The following GSAP variants were observed in gnomAD, a reference collection of about 807,000 sequenced individuals.
GSAP encodes the protein gamma-secretase activating protein.
A neutral mutation model predicts 131.7 loss-of-function variants in GSAP; 118 were observed. The ratio of observed to expected loss-of-function variants is 0.90; its 90% CI spans 0.77 to 1.04. The LOEUF (loss-of-function observed/expected upper bound fraction) is 1.04. Among genes scored for constraint, GSAP ranks in the 50% least tolerant of loss-of-function variants. GSAP has a pLI of 0.00. For missense variants in GSAP, 1,019 were observed against 1,013.2 expected (o/e 1.01, Z -0.08); for synonymous variants, 381 against 363.4 (o/e 1.05, Z -0.55).
chr7:77,311,973 T>C, intron 29 of GSAP, 33 bp from the exon 30 acceptor site: 3 of 1,295,800 alleles, frequency 2.3e-6, no homozygotes, highest in Non-Finnish European at 2.2e-6. Context: ...TGTAAGCTGA[T>C]TCTCCACAAT....
At chr7:77,344,109 C>T (rs1334772443) in intron 19 of GSAP, among the ~76,000 whole-genome samples, 3 of 152,218 alleles carry the variant, frequency 2.0e-5, no homozygotes, top group Admixed American at 1.3e-4. Context: ...ACAGGGTCTG[C>T]GAAGGCCACC....
intron 1 of GSAP, among the ~76,000 whole-genome samples, chr7:77,412,074 G>A (rs1053869517): frequency 6.6e-6 from 1 of 152,226 alleles, no homozygotes; most frequent in Non-Finnish European, 1.5e-5. Flanking sequence ...AGCTACTTGG[G>A]AGGCTGAGGC....
intron 1 of GSAP, among the ~76,000 whole-genome samples, chr7:77,408,421 C>T (rs915246993): frequency 1.3e-5 from 2 of 151,994 alleles, no homozygotes; most frequent in African/African-American, 2.4e-5. Context: ...AAATTATGGC[C>T]GGCACAGTGG....
chr7:77,314,281 T>C (rs1470806556), intron 27 of GSAP, 89 bp downstream of exon 27: 10 of 1,384,454 alleles, frequency 7.2e-6, no homozygotes, highest in Non-Finnish European at 1.0e-5. Flanking sequence ...GCCAGGCTCT[T>C]GGTGACTGCA....
intron 12 of GSAP, among the ~76,000 whole-genome samples, chr7:77,367,631 C>T (rs1795513753): frequency 6.6e-6 from 1 of 152,102 alleles, no homozygotes; most frequent in Non-Finnish European, 1.5e-5. Flanking sequence ...TTTGCATCAG[C>T]GTTCATCAAG....
At chr7:77,336,546 C>T (rs1178891499) in intron 19 of GSAP, among the ~76,000 whole-genome samples, 1 of 152,058 alleles carries the variant, frequency 6.6e-6, no homozygotes, top group East Asian at 1.9e-4. Context: ...AGTGCAATGG[C>T]GCAATCTTGG....
At chr7:77,375,937 C>CT (rs983403817) in intron 10 of GSAP, among the ~76,000 whole-genome samples, 1 of 150,750 alleles carries the variant, frequency 6.6e-6, no homozygotes, top group African/African-American at 2.4e-5. Context: ...TTTTTTTAAT[C>CT]TTTTTTTAAA....
At chr7:77,345,356 A>G (rs1791636809) in intron 19 of GSAP, among the ~76,000 whole-genome samples, 1 of 152,102 alleles carries the variant, frequency 6.6e-6, no homozygotes, top group African/African-American at 2.4e-5. Flanking sequence ...AACATTGCCC[A>G]TTATTGCTCC....
At position 77,377,329 on chromosome 7, in the gene GSAP, T is replaced by G. The variant is rs760721497; in HGVS notation, c.638A>C (p.Gln213Pro). Residue 213 changes from glutamine to proline, a missense_variant, in exon 9 of 31, where the codon CAG becomes CCG. By Grantham distance (76) the Gln-to-Pro change is moderately conservative. Coordinates refer to ENST00000257626, the MANE Select transcript of GSAP (RefSeq NM_017439.4). ...DRIAEDFVWA[Q>P]WDMSEQRLYY... is the part of the protein sequence containing the mutation. ...TAATCTCTGTTCTGACATATCCCACTGAGCCCAAACGAAATCCTCAGCTAT... is the reference window on the plus strand; with the variant it reads ...TAATCTCTGTTCTGACATATCCCACGGAGCCCAAACGAAATCCTCAGCTAT... The G allele has an allele frequency of 6.3e-7, 1 of 1,583,412 alleles. No homozygotes were observed. The highest frequency in any genetic ancestry group is 1.1e-5 in the South Asian group (1 of 87,574).
chr7:77,366,811 T>C (rs1795387632), intron 12 of GSAP, among the ~76,000 whole-genome samples: 1 of 152,210 alleles, frequency 6.6e-6, no homozygotes, highest in Admixed American at 6.5e-5. Flanking sequence ...GTACACTGCT[T>C]TGGGCAGTAT....
chr7:77,347,746 C>T (rs1792124885), intron 19 of GSAP, among the ~76,000 whole-genome samples: 1 of 151,744 alleles, frequency 6.6e-6, no homozygotes, highest in Admixed American at 6.6e-5. Context: ...ATATGCATAC[C>T]TATAACAAAG....
At chr7:77,381,417 C>T in intron 7 of GSAP, 63 bp from the exon 8 acceptor site, 1 of 798,904 alleles carries the variant, frequency 1.3e-6, no homozygotes, top group Non-Finnish European at 2.0e-6. Context: ...ACTATTTTTG[C>T]CTAACTCTTG....
intron 1 of GSAP, 48 bp downstream of exon 1, chr7:77,416,165 G>A (rs1450136694): frequency 4.5e-6 from 5 of 1,106,772 alleles, no homozygotes; most frequent in African/African-American, 1.6e-5. Flanking sequence ...GGGTATGAGG[G>A]ACTCCCACTC....
At chr7:77,395,588 G>A (rs912914099) in intron 5 of GSAP, among the ~76,000 whole-genome samples, 1 of 152,132 alleles carries the variant, frequency 6.6e-6, no homozygotes, top group South Asian at 2.1e-4. Flanking sequence ...TATCATGGCA[G>A]GGGGAGGGTA....
At chr7:77,392,037 C>G (rs575566845) in intron 5 of GSAP, among the ~76,000 whole-genome samples, 2 of 152,116 alleles carry the variant, frequency 1.3e-5, no homozygotes, top group Admixed American at 6.5e-5. Flanking sequence ...CCAGCCTGGC[C>G]AACACGGGGA....
intron 5 of GSAP, among the ~76,000 whole-genome samples, chr7:77,394,591 T>A (rs188938272): frequency 1.3e-5 from 2 of 152,188 alleles, no homozygotes; most frequent in Non-Finnish European, 2.9e-5. Flanking sequence ...CTAGCCAGCA[T>A]TGGCATAAGA....
At chr7:77,342,939 TA>T (rs1413140058) in intron 19 of GSAP, among the ~76,000 whole-genome samples, 2 of 152,182 alleles carry the variant, frequency 1.3e-5, no homozygotes, top group Non-Finnish European at 2.9e-5. Flanking sequence ...CTATTCTAGA[TA>T]AACCTAGTTG....
At chr7:77,378,784 A>C (rs1372690538) in intron 8 of GSAP, among the ~76,000 whole-genome samples, 2 of 152,228 alleles carry the variant, frequency 1.3e-5, no homozygotes, top group African/African-American at 4.8e-5. Context: ...GAAATAATTT[A>C]ACAGAAGCAG....
At chr7:77,376,775 C>CA (rs10649095) in intron 10 of GSAP, 73 bp downstream of exon 10, 23,340 of 448,914 alleles carry the variant, frequency 0.052, 30 homozygotes, top group South Asian at 0.063. Context: ...GACTCCATCT[C>CA]AAAAAAAAAA....
Sources: gnomAD v4.1 joint callset for allele counts (sites outside exome capture counted in the v4.1 genomes callset) on GRCh38, gnomAD v4.1.1 for gene constraint, MANE v1.5 for transcripts, NCBI Gene and HGNC (gene_info 2026-07-23, HGNC 2026-07-21) for gene names.